KCNN3: variants seen among roughly 807,000 people sequenced by gnomAD.
The protein encoded by KCNN3 is potassium calcium-activated channel subfamily N member 3.
Under a neutral mutation model 62.9 loss-of-function variants are expected in KCNN3, and 16 were observed. The observed-to-expected ratio is 0.25, with a 90% confidence interval of 0.17 to 0.39. The LOEUF is 0.39. Ranked by LOEUF, KCNN3 falls within the 10% of genes least tolerant of loss-of-function variation. KCNN3 has a pLI of 1.00. For missense variants in KCNN3, 599 were observed against 949.4 expected (o/e 0.63, Z 4.85); for synonymous variants, 370 against 389.2 (o/e 0.95, Z 0.58).
At chr1:154,805,552 G>A (rs762179755) in intron 2 of KCNN3, among the ~76,000 whole-genome samples, 7 of 152,224 alleles carry the variant, frequency 4.6e-5, no homozygotes, top group Non-Finnish European at 8.8e-5. Flanking sequence ...CTAAAACGGT[G>A]TGTGGGGATT....
chr1:154,739,999 T>C (rs1374560156), intron 3 of KCNN3, among the ~76,000 whole-genome samples: 2 of 152,244 alleles, frequency 1.3e-5, no homozygotes, highest in Non-Finnish European at 2.9e-5. Context: ...AACCCTGAGA[T>C]GGTAAATGTC....
At chr1:154,813,675 A>G (rs958523080) in intron 2 of KCNN3, among the ~76,000 whole-genome samples, 1 of 152,180 alleles carries the variant, frequency 6.6e-6, no homozygotes, top group Non-Finnish European at 1.5e-5. Context: ...AAGCCTTAAC[A>G]TGCCCGGAGC....
intron 4 of KCNN3, among the ~76,000 whole-genome samples, chr1:154,727,393 C>T (rs1386603264): frequency 2.6e-5 from 4 of 152,120 alleles, no homozygotes; most frequent in Non-Finnish European, 5.9e-5. Context: ...AATCTATAAC[C>T]GACTTGGAAG....
chr1:154,827,493 T>A (rs1651188243), intron 1 of KCNN3, among the ~76,000 whole-genome samples: 1 of 152,112 alleles, frequency 6.6e-6, no homozygotes, highest in South Asian at 2.1e-4. Context: ...TCCTCCCAGG[T>A]GCAGCACCCT....
intron 2 of KCNN3, among the ~76,000 whole-genome samples, chr1:154,819,044 C>T (rs1418251481): frequency 6.6e-6 from 1 of 152,212 alleles, no homozygotes; most frequent in Non-Finnish European, 1.5e-5. Context: ...GTCCTGACAT[C>T]ACCCAAAGGG....
At chr1:154,717,871 C>T (rs948118344) in intron 5 of KCNN3, among the ~76,000 whole-genome samples, 1 of 152,198 alleles carries the variant, frequency 6.6e-6, no homozygotes, top group Non-Finnish European at 1.5e-5. Flanking sequence ...CCCAGGTGGA[C>T]AGTAAATGCT....
At position 154,772,207 on chromosome 1, in the gene KCNN3, T is replaced by C. The variant is rs1026329597; in HGVS notation, c.1216A>G (p.Ile406Val). Residue 406 changes from isoleucine to valine, a missense_variant, in exon 3 of 8, where the codon ATC (isoleucine) becomes GTC (valine). This residue lies in a region of KCNN3 where 288 missense variants were observed against 557.4 expected (regional missense o/e 0.52). Transcript: ENST00000271915. The surrounding 1 kb of genome is among the most constrained non-coding windows in gnomAD (Gnocchi z 5.6). ...CGCAGGAACATGGGGATAGACAGGA[T>C]GATGTCCACATCGGCCTCCGCCCGG... ...PSRAEADVDIILSIPMFLRLY... is the reference protein window; with the variant it reads ...PSRAEADVDIVLSIPMFLRLY... 1 of 1,614,198 alleles carries C rather than the reference T, an allele frequency of 6.2e-7. No homozygotes were observed. The highest frequency in any genetic ancestry group is 8.5e-7 in the Non-Finnish European group (1 of 1,180,038).
At chr1:154,794,026 T>A (rs1382679623) in intron 2 of KCNN3, among the ~76,000 whole-genome samples, 1 of 152,236 alleles carries the variant, frequency 6.6e-6, no homozygotes, top group African/African-American at 2.4e-5. Flanking sequence ...CTGTTGTGCG[T>A]AGAATGTAGA....
At chr1:154,709,117 G>A (rs1050636269) in intron 7 of KCNN3, among the ~76,000 whole-genome samples, 2 of 152,128 alleles carry the variant, frequency 1.3e-5, no homozygotes, top group Non-Finnish European at 2.9e-5. Flanking sequence ...GACTCCCCGT[G>A]TTCCAGGGGT....
chr1:154,800,733 T>C (rs922446618), intron 2 of KCNN3, among the ~76,000 whole-genome samples: 14 of 152,044 alleles, frequency 9.2e-5, no homozygotes, highest in African/African-American at 3.4e-4. Context: ...AGATGCCTGT[T>C]AGGAGGAAAC....
At chr1:154,774,116 G>A (rs572276369) in intron 2 of KCNN3, among the ~76,000 whole-genome samples, 5 of 152,324 alleles carry the variant, frequency 3.3e-5, no homozygotes, top group African/African-American at 9.6e-5. Context: ...CAGTGGGTTC[G>A]TATATGCAAC....
intron 2 of KCNN3, among the ~76,000 whole-genome samples, chr1:154,816,834 A>G (rs1240185361): frequency 1.3e-5 from 2 of 152,188 alleles, no homozygotes; most frequent in Admixed American, 1.3e-4. Flanking sequence ...AAACCTTCTC[A>G]TAGTTTCTGC....
At chr1:154,863,495 C>T (rs1415996206) in intron 1 of KCNN3, among the ~76,000 whole-genome samples, 2 of 152,104 alleles carry the variant, frequency 1.3e-5, no homozygotes, top group African/African-American at 2.4e-5. Context: ...AATATACAGC[C>T]GCCCCTCACA....
chr1:154,750,983 C>T (rs978148965), intron 3 of KCNN3, among the ~76,000 whole-genome samples: 5 of 152,212 alleles, frequency 3.3e-5, no homozygotes, highest in African/African-American at 9.6e-5. Context: ...TTGGGGCTCC[C>T]TCTAGCCCAG....
At chr1:154,819,468 C>A (rs1262373112) in intron 2 of KCNN3, among the ~76,000 whole-genome samples, 1 of 152,166 alleles carries the variant, frequency 6.6e-6, no homozygotes, top group African/African-American at 2.4e-5. Flanking sequence ...ATAACTGTCC[C>A]TGAGGTAGGG....
intron 2 of KCNN3, among the ~76,000 whole-genome samples, chr1:154,775,295 A>G (rs1028362965): frequency 2.0e-5 from 3 of 152,170 alleles, no homozygotes; most frequent in Admixed American, 1.3e-4. Flanking sequence ...TGCTTTTAGC[A>G]TCTACCTGTG....
At chr1:154,858,436 C>G (rs979521953) in intron 1 of KCNN3, among the ~76,000 whole-genome samples, 4 of 152,244 alleles carry the variant, frequency 2.6e-5, no homozygotes, top group Non-Finnish European at 4.4e-5. Flanking sequence ...CAAGGCCACA[C>G]AGCCAAATAG....
intron 3 of KCNN3, among the ~76,000 whole-genome samples, chr1:154,745,691 C>A (rs544001004): frequency 2.0e-5 from 3 of 152,322 alleles, no homozygotes; most frequent in African/African-American, 4.8e-5. Flanking sequence ...GCACTGTCAA[C>A]CTCTTTGAAA....
At chr1:154,851,308 G>A (rs944653761) in intron 1 of KCNN3, among the ~76,000 whole-genome samples, 3 of 152,026 alleles carry the variant, frequency 2.0e-5, no homozygotes, top group South Asian at 2.1e-4. Context: ...GCCATGCCTC[G>A]AACAGACCTC....
Sources: allele counts gnomAD v4.1 joint callset (sites outside exome capture counted in the v4.1 genomes callset), GRCh38; gene constraint gnomAD v4.1.1; regional missense constraint gnomAD v4.1.1; non-coding constraint Gnocchi (gnomAD v3.1); transcripts MANE v1.5; gene names NCBI Gene and HGNC (gene_info 2026-07-23, HGNC 2026-07-21).